The following PSMD8 variants were observed in gnomAD, a reference collection of about 807,000 sequenced individuals.
PSMD8 encodes the protein 26S proteasome non-ATPase regulatory subunit 8.
A neutral mutation model predicts 40.0 loss-of-function variants in PSMD8; 30 were observed. That is an observed-to-expected ratio of 0.75 (90% CI 0.56 to 1.02). PSMD8 has a LOEUF of 1.02. Among genes scored for constraint, PSMD8 ranks in the 50% least tolerant of loss-of-function variants. The probability of loss-of-function intolerance (pLI) is 0.00; values close to 1 mark genes in which losing one functional copy is unlikely to be tolerated. For synonymous variants in PSMD8, 208 were observed against 192.5 expected, an observed-to-expected ratio of 1.08 and a Z score of -0.67; for missense variants, 461 against 463.9, an observed-to-expected ratio of 0.99 and a Z score of 0.06.
At chr19:38,379,035 A>T (rs890491414) in intron 3 of PSMD8, among the ~76,000 whole-genome samples, 1 of 152,172 alleles carries the variant, frequency 6.6e-6, no homozygotes, top group Non-Finnish European at 1.5e-5. Context: ...AAGTGAGGTC[A>T]CTCGCTCTTG....
intron 5 of PSMD8, 63 bp from the exon 6 acceptor site, chr19:38,382,054 G>C (rs576864432): frequency 1.2e-5 from 14 of 1,216,144 alleles, no homozygotes; most frequent in African/African-American, 4.5e-5. Context: ...TGTCAGGTCT[G>C]GGGGGACAGG....
intron 6 of PSMD8, chr19:38,382,933 A>C: frequency 7.1e-6 from 2 of 280,782 alleles, no homozygotes. Flanking sequence ...AAAAAAAAGA[A>C]GAAGGTGAAA....
Position 38,382,114 on chromosome 19 carries a change from C to T in PSMD8, c.804-3C>T, listed in dbSNP as rs994104494. ...TAATGAGGAGCTTCTCATCTTCCCC[C>T]AGGGATGAGATCGCTGGGTGCATCG... On this transcript the variant is annotated splice_region_variant and splice_polypyrimidine_tract_variant and intron_variant, in intron 5 of 6. Transcript: ENST00000215071. 10 of 1,558,270 alleles carry T rather than the reference C, an allele frequency of 6.4e-6. No homozygotes were observed. Among genetic ancestry groups the T allele is most frequent in the Admixed American group, 5.8e-5 (3 of 51,974 alleles).
intron 1 of PSMD8, 50 bp downstream of exon 1, chr19:38,375,011 T>A: frequency 6.5e-7 from 1 of 1,533,898 alleles, no homozygotes; most frequent in Non-Finnish European, 8.7e-7. Context: ...TGGGAGGCGC[T>A]ACGAGGTGTC....
In PSMD8 at chr19:38,380,944, A is replaced by G; in HGVS notation, c.748A>G (p.Asn250Asp). ...SYNKVFLAKG[N>D]IPAESYTFFI... is the part of the protein sequence containing the mutation. Reference sequence around the variant, plus strand: ...CAACAAAGTGTTCCTGGCCAAGGGTAACATCCCCGCCGAGAGCTACACCTT... The same window carrying G: ...CAACAAAGTGTTCCTGGCCAAGGGTGACATCCCCGCCGAGAGCTACACCTT... The change falls in exon 5 of 7, where the codon AAC (asparagine) becomes GAC (aspartate). Residue 250 changes from asparagine to aspartate, a missense_variant. Coordinates refer to ENST00000215071, the MANE Select transcript of PSMD8 (RefSeq NM_002812.5). The G allele has an allele frequency of 1.3e-6, 2 of 1,551,384 alleles. No homozygotes were observed. Among genetic ancestry groups the G allele is most frequent in the Non-Finnish European group, 1.7e-6 (2 of 1,147,722 alleles).
At chr19:38,376,790 C>G (rs1438843104) in intron 3 of PSMD8, among the ~76,000 whole-genome samples, 1 of 152,218 alleles carries the variant, frequency 6.6e-6, no homozygotes, top group East Asian at 1.9e-4. Context: ...GTCCATACCC[C>G]GCTCAGAACC....
chr19:38,376,354 G>GAC lies in PSMD8; in HGVS notation c.438_439dup (p.Ile147ThrfsTer91). Reference sequence around the variant, plus strand: ...AGAGCTCACTCTGTCACCCACAGGTGACATACTGGAGATCGGGGCCCAATG... The same window carrying GAC: ...AGAGCTCACTCTGTCACCCACAGGTGACACATACTGGAGATCGGGGCCCAATG... On this transcript the variant is annotated frameshift_variant, in exon 3 of 7. Transcript: ENST00000215071. LOFTEE classifies it high-confidence loss of function. 1 of 1,551,890 alleles carries GAC rather than the reference G, an allele frequency of 6.4e-7. No homozygotes were observed. The highest frequency in any genetic ancestry group is 8.7e-7 in the Non-Finnish European group (1 of 1,146,772).
intron 3 of PSMD8, 119 bp downstream of exon 3, chr19:38,376,573 C>T: frequency 1.1e-6 from 1 of 908,114 alleles, no homozygotes; most frequent in Non-Finnish European, 1.7e-6. Context: ...GCTTAGTTCT[C>T]TCCTCAGTGG....
chr19:38,376,449 T>A lies in PSMD8; in HGVS notation c.531T>A (p.Asp177Glu), dbSNP rs780348699. The stretch of plus-strand genomic sequence containing the variant: ...CCCAGCTCAAATGCTACTACTTTGA[T>A]TACAAGTGAGAATGGGCCCTGCCCC... The part of the protein sequence containing the change: ...YMAQLKCYYF[D>E]YKEQLPESAY... Residue 177 changes from aspartate (D) to glutamate (E), a missense_variant, in exon 3 of 7, where the codon GAT (aspartate) becomes GAA (glutamate). Asp to Glu is a conservative substitution (Grantham distance 45). This residue lies in a region of PSMD8 where 236 missense variants were observed against 321.2 expected (regional missense o/e 0.73). Transcript: ENST00000215071. 1 of 1,549,954 alleles carries A rather than the reference T, an allele frequency of 6.5e-7. No individual in the cohort carries two copies. The highest frequency in any genetic ancestry group is 1.2e-5 in the South Asian group (1 of 84,036).
At chr19:38,375,609 T>C (rs774854181) in intron 1 of PSMD8, 1 of 177,196 alleles carries the variant, frequency 5.6e-6, no homozygotes, top group Non-Finnish European at 1.2e-5. Flanking sequence ...GGCAGCCTAG[T>C]TGTGAAGGCA....
At chr19:38,381,682 A>G (rs1262680553) in intron 5 of PSMD8, among the ~76,000 whole-genome samples, 1 of 152,092 alleles carries the variant, frequency 6.6e-6, no homozygotes, top group Non-Finnish European at 1.5e-5. Context: ...CCCCTCCCTC[A>G]CTACAGTGAC....
intron 1 of PSMD8, 63 bp from the exon 2 acceptor site, chr19:38,376,097 A>G: frequency 7.0e-7 from 1 of 1,431,678 alleles, no homozygotes; most frequent in Admixed American, 1.9e-5. Flanking sequence ...AGCGTAGAGC[A>G]GGTAAGTCAT....
intron 1 of PSMD8, chr19:38,375,166 C>T (rs903538300): frequency 4.7e-6 from 4 of 846,688 alleles, no homozygotes; most frequent in Non-Finnish European, 7.0e-6. Context: ...GGACAGGGAG[C>T]GTTGATGGTC....
At position 38,379,236 on chromosome 19, in the gene PSMD8, A is replaced by G. The variant is rs1221095666; in HGVS notation, c.537-4A>G. The G allele has an allele frequency of 6.2e-7, 1 of 1,613,116 alleles. No individual in the cohort carries two copies. The highest frequency in any genetic ancestry group is 1.3e-5 in the African/African-American group (1 of 75,008). On this transcript the variant is annotated splice_polypyrimidine_tract_variant and splice_region_variant and intron_variant, in intron 3 of 6. Transcript: ENST00000215071. ...TAACCTGCTTCCCCATCCCACGTCC[A>G]CAGGGAGCAGCTCCCCGAGTCAGCC...
intron 3 of PSMD8, among the ~76,000 whole-genome samples, chr19:38,377,627 G>A (rs1428436967): frequency 6.6e-6 from 1 of 151,906 alleles, no homozygotes; most frequent in Non-Finnish European, 1.5e-5. Flanking sequence ...CTCCCAAGTA[G>A]CTGGGATTAC....
intron 3 of PSMD8, 49 bp from the exon 4 acceptor site, chr19:38,379,191 C>G: frequency 6.3e-7 from 1 of 1,582,456 alleles, no homozygotes; most frequent in Non-Finnish European, 8.6e-7. Flanking sequence ...AGAGGGCTCG[C>G]TAGGCCCTTA....
At chr19:38,376,627 ACTAGTCAGTCTCCCC>A (rs1970600741) in intron 3 of PSMD8, among the ~76,000 whole-genome samples, 173 bp downstream of exon 3, 2 of 151,832 alleles carry the variant, frequency 1.3e-5, no homozygotes, top group Admixed American at 1.3e-4. Context: ...ACTTGGCTTG[ACTAGTCAGTCTCCCC>A]CTACCCATTC....
chr19:38,380,429 A>G (rs982240248), intron 4 of PSMD8, among the ~76,000 whole-genome samples: 2 of 152,184 alleles, frequency 1.3e-5, no homozygotes, highest in Non-Finnish European at 2.9e-5. Flanking sequence ...GGGCCAGGGC[A>G]AAGCCTTAGG....
Position 38,383,352 on chromosome 19 carries a change from GTCA to G in PSMD8, c.1018_1020del (p.Ile340del). On this transcript the variant is annotated inframe_deletion, in exon 7 of 7. Coordinates refer to ENST00000215071, the MANE Select transcript of PSMD8 (RefSeq NM_002812.5). ...TCCCTCCACAGAACTGGCCAAACAG[GTCA>G]TCGAGTATGCCCGGCAGCTGGAGAT... The G allele has an allele frequency of 6.2e-7, 1 of 1,613,898 alleles. No homozygotes were observed. Among genetic ancestry groups the G allele is most frequent in the South Asian group, 1.1e-5 (1 of 91,080 alleles).
Sources: gnomAD v4.1 joint callset for allele counts (sites outside exome capture counted in the v4.1 genomes callset) on GRCh38, gnomAD v4.1.1 for gene constraint, gnomAD v4.1.1 regional missense constraint, MANE v1.5 for transcripts, NCBI Gene and HGNC (gene_info 2026-07-23, HGNC 2026-07-21) for gene names.